The following NEBL variants were observed in gnomAD, a reference collection of about 807,000 sequenced individuals.
NEBL encodes the protein nebulette, also known as LIM and SH3 protein 2.
A neutral mutation model predicts 140.2 loss-of-function variants in NEBL; 122 were observed. The ratio of observed to expected loss-of-function variants is 0.87; its 90% confidence interval spans 0.75 to 1.01. NEBL has a LOEUF of 1.01. Among genes scored for constraint, NEBL ranks in the 50% least tolerant of loss-of-function variants. The pLI is 0.00. For missense variants in NEBL, 1,365 were observed against 1,231.3 expected, an observed-to-expected ratio of 1.11 and a Z score of -1.62; for synonymous variants, 436 against 398.9, an observed-to-expected ratio of 1.09 and a Z score of -1.11.
intron 3 of NEBL, among the ~76,000 whole-genome samples, chr10:21,006,935 A>G (rs1016352028): frequency 4.6e-5 from 7 of 152,226 alleles, no homozygotes; most frequent in Non-Finnish European, 1.0e-4. Context: ...GTGGGGAAAG[A>G]AAAACAGAAA....
rs926999321 is a variant in NEBL at position 20,789,902 on chromosome 10, GATATATGTATAT to G, written c.2762-2606_2762-2595del. Among the ~76,000 whole-genome samples the G allele has an allele frequency of 2.0e-5, 3 of 147,154 alleles. No homozygotes were observed. In the Admixed American group the frequency reaches 2.1e-4, roughly 10 times the overall value. On this transcript the variant is annotated intron_variant, in intron 26 of 27. Transcript: ENST00000377122. ...ACACACACACATATATATATGTATAGATATATGTATATATATATGTGTGTGTATATGTGTATA... is the reference window on the plus strand; with the variant it reads ...ACACACACACATATATATATGTATAGATATATGTGTGTGTATATGTGTATA...
At chr10:21,228,927 G>A (rs1842208154) in intron 3 of NEBL, among the ~76,000 whole-genome samples, 1 of 152,010 alleles carries the variant, frequency 6.6e-6, no homozygotes, top group Non-Finnish European at 1.5e-5. Context: ...GAAGTGAACT[G>A]TTGGACTCTC....
At chr10:20,821,826 A>G (rs1184648627) in intron 19 of NEBL, among the ~76,000 whole-genome samples, 1 of 152,064 alleles carries the variant, frequency 6.6e-6, no homozygotes, top group South Asian at 2.1e-4. Context: ...GCCATCTTTC[A>G]CCCCAAGTAC....
intron 2 of NEBL, among the ~76,000 whole-genome samples, chr10:21,152,026 G>A (rs577816081): frequency 6.6e-6 from 1 of 152,300 alleles, no homozygotes; most frequent in Non-Finnish European, 1.5e-5. Context: ...TCATAGGACA[G>A]GCTCTTTCAA....
chr10:21,291,323 T>A (rs1413410810), intron 1 of NEBL, among the ~76,000 whole-genome samples: 9 of 151,618 alleles, frequency 5.9e-5, no homozygotes, highest in Admixed American at 2.0e-4. Context: ...CTGGCCAACG[T>A]GGTGAAACCC....
At chr10:20,998,686 G>A (rs1002287849) in intron 3 of NEBL, among the ~76,000 whole-genome samples, 1 of 152,120 alleles carries the variant, frequency 6.6e-6, no homozygotes, top group African/African-American at 2.4e-5. Flanking sequence ...AATGCACACA[G>A]CAATAATACT....
At chr10:20,984,615 A>C (rs1837182371) in intron 3 of NEBL, among the ~76,000 whole-genome samples, 1 of 152,032 alleles carries the variant, frequency 6.6e-6, no homozygotes. Context: ...TGTGAGATAC[A>C]GAAGGAGCCC....
chr10:20,821,904 C>T (rs1380289202), intron 19 of NEBL, among the ~76,000 whole-genome samples: 1 of 152,154 alleles, frequency 6.6e-6, no homozygotes, highest in Non-Finnish European at 1.5e-5. Flanking sequence ...TTGGTTTGCT[C>T]TGCCAGGAAT....
At chr10:20,852,512 G>A (rs774050862) in intron 10 of NEBL, 33 bp downstream of exon 10, 1 of 825,720 alleles carries the variant, frequency 1.2e-6, no homozygotes, top group Non-Finnish European at 1.7e-6. Flanking sequence ...GTTGCTGGCA[G>A]GGAGGGTAGG....
At chr10:21,153,193 T>C (rs914208580) in intron 2 of NEBL, among the ~76,000 whole-genome samples, 2 of 152,206 alleles carry the variant, frequency 1.3e-5, no homozygotes, top group African/African-American at 4.8e-5. Context: ...TTATCTCCCA[T>C]TTCACAGATA....
intron 3 of NEBL, among the ~76,000 whole-genome samples, chr10:20,965,717 T>C (rs1836280505): frequency 3.3e-5 from 5 of 152,156 alleles, no homozygotes; most frequent in Admixed American, 6.5e-5. Flanking sequence ...GCAAACTCCT[T>C]GGAAGTGTGC....
intron 5 of NEBL, among the ~76,000 whole-genome samples, 188 bp downstream of exon 5, chr10:20,880,606 A>G (rs757885272): frequency 3.9e-5 from 6 of 152,240 alleles, no homozygotes; most frequent in Non-Finnish European, 7.3e-5. Context: ...CTGACAACAT[A>G]AAGGCATTCG....
chr10:20,904,300 A>G (rs1847999954), intron 4 of NEBL, among the ~76,000 whole-genome samples: 1 of 152,128 alleles, frequency 6.6e-6, no homozygotes, highest in African/African-American at 2.4e-5. Context: ...ATTCCTTACT[A>G]TGCATTTATA....
chr10:21,018,769 G>A (rs775114019), intron 3 of NEBL, among the ~76,000 whole-genome samples: 9 of 152,090 alleles, frequency 5.9e-5, no homozygotes, highest in Admixed American at 1.3e-4. Context: ...AGTGGCTCAC[G>A]CTGTAATCCC....
chr10:21,076,757 A>G (rs1048140554), intron 2 of NEBL, among the ~76,000 whole-genome samples: 2 of 152,246 alleles, frequency 1.3e-5, no homozygotes, highest in African/African-American at 4.8e-5. Context: ...TCAGCCAGTC[A>G]CAAAAGGACA....
At position 20,844,115 on chromosome 10, in the gene NEBL, C is replaced by G. The variant is rs1841669771; in HGVS notation, c.1227+1143G>C. 2.0e-5 allele frequency among the ~76,000 whole-genome samples: 3 copies of G among 152,096 alleles called. No homozygotes were observed. The South Asian group carries it at 6.2e-4, about 31-fold the overall frequency. On this transcript the variant is annotated intron_variant, in intron 12 of 27. Transcript: ENST00000377122. ...GAGAACTCTTATAGAAATTACATGT[C>G]TATTTCAGCACATTACATATTACAA... is the stretch of plus-strand genomic sequence containing the variant.
At position 21,216,766 on chromosome 10, in the gene NEBL, A is replaced by G. The variant is rs147959044; in HGVS notation, n.348+31155T>C. 7.9e-3 allele frequency among the ~76,000 whole-genome samples: 1,075 copies of G among 135,314 alleles called. 10 individuals carry two copies. Among genetic ancestry groups the G allele is most frequent in the African/African-American group, 0.035 (1,016 of 29,052 alleles). 88.8% of individuals were successfully genotyped at this position (135,314 alleles called of 152,430 possible). ...AGGCTGGGCAACAAAGCAAGACTCC[A>G]TCTCGAAAAAAAAAAAAGAAAAAGA... On this transcript the variant is annotated intron_variant and non_coding_transcript_variant, in intron 3 of 8. Coordinates refer to the NEBL transcript ENST00000675702.
rs557741319 is a variant in NEBL, at chr10:21,137,922, GA to G, written c.164+34460del. ...AGCCTGGGTGACAGAGCAAGACCCTGAAAAAAAAAAAAAGGAAAGGGAAGGG... is the reference window on the plus strand; with the variant it reads ...AGCCTGGGTGACAGAGCAAGACCCTGAAAAAAAAAAAAGGAAAGGGAAGGG... On this transcript the variant is annotated intron_variant, in intron 2 of 6. Transcript: ENST00000417816. Among the ~76,000 whole-genome samples the G allele has an allele frequency of 2.4e-3, 291 of 121,106 alleles. 1 individual carries two copies. The highest frequency in any genetic ancestry group is 8.8e-3 in the Middle Eastern group (2 of 228). 79.5% of individuals were successfully genotyped at this position (121,106 alleles called of 152,430 possible). A position where few individuals can be genotyped will look rare whatever the true frequency, so the allele number is the denominator to read the frequency against.
At chr10:21,024,807 C>T (rs984678588) in intron 2 of NEBL, among the ~76,000 whole-genome samples, 2 of 121,104 alleles carry the variant, frequency 1.7e-5, no homozygotes, top group Non-Finnish European at 3.3e-5. Flanking sequence ...ACCCACCACT[C>T]CACCTCTCCA....
Sources: gnomAD v4.1 joint callset for allele counts (sites outside exome capture counted in the v4.1 genomes callset) on GRCh38, gnomAD v4.1.1 for gene constraint, MANE v1.5 for transcripts, NCBI Gene and HGNC (gene_info 2026-07-23, HGNC 2026-07-21) for gene names.